The following EMCN variants were observed in gnomAD, a reference collection of about 807,000 sequenced individuals.
EMCN encodes the protein endomucin, also known as MUC-14.
EMCN carries 37 observed loss-of-function variants against 38.4 expected under a neutral mutation model. That is an observed-to-expected ratio of 0.96 (90% confidence interval 0.74 to 1.27). EMCN has a LOEUF of 1.27. EMCN is among the 50% of genes most tolerant of loss of function. The pLI, the probability that EMCN is intolerant of heterozygous loss-of-function variation, is 0.00. For missense variants in EMCN, 318 were observed against 302.8 expected, an observed-to-expected ratio of 1.05 and a Z score of -0.37; for synonymous variants, 95 against 100.8, an observed-to-expected ratio of 0.94 and a Z score of 0.35.
chr4:100,466,962 A>C (rs968011946), intron 3 of EMCN, among the ~76,000 whole-genome samples: 2 of 152,188 alleles, frequency 1.3e-5, no homozygotes, highest in Non-Finnish European at 1.5e-5. Context: ...AGTATCAAGC[A>C]GACTCAACAG....
At chr4:100,497,246 T>TAAA (rs749473979) in intron 1 of EMCN, among the ~76,000 whole-genome samples, 9 of 129,834 alleles carry the variant, frequency 6.9e-5, no homozygotes, top group Admixed American at 2.4e-4. Context: ...TTGTTACTAT[T>TAAA]AAAAAAAAAA....
intron 3 of EMCN, among the ~76,000 whole-genome samples, chr4:100,469,716 C>G (rs1728421631): frequency 6.6e-6 from 1 of 151,910 alleles, no homozygotes; most frequent in African/African-American, 2.4e-5. Flanking sequence ...TTTTTGGCAG[C>G]TTTGTTGAAG....
intron 3 of EMCN, among the ~76,000 whole-genome samples, chr4:100,473,323 G>A (rs1038201368): frequency 7.5e-6 from 1 of 133,020 alleles, no homozygotes; most frequent in Non-Finnish European, 1.6e-5. Context: ...CACTGCACCC[G>A]TCCATGTTAT....
intron 5 of EMCN, among the ~76,000 whole-genome samples, chr4:100,447,092 A>C (rs1452810442): frequency 6.6e-6 from 1 of 152,206 alleles, no homozygotes; most frequent in Non-Finnish European, 1.5e-5. Flanking sequence ...AAGGGTGGCA[A>C]ATACGAGCAC....
chr4:100,440,555 G>A (rs1727483538), intron 5 of EMCN, among the ~76,000 whole-genome samples: 1 of 151,782 alleles, frequency 6.6e-6, no homozygotes, highest in Non-Finnish European at 1.5e-5. Context: ...CCAAATATCT[G>A]CAAAAGACAT....
rs569012867 is a variant in EMCN, at chr4:100,508,797, T to G, written c.64+9054A>C. Among the ~76,000 whole-genome samples, 13 of 152,310 alleles carry G rather than the reference T, an allele frequency of 8.5e-5. No individual in the cohort carries two copies. The South Asian group carries it at 2.7e-3, about 32-fold the overall frequency. On this transcript the variant is annotated intron_variant, in intron 1 of 11. Coordinates refer to ENST00000296420, the MANE Select transcript of EMCN (RefSeq NM_016242.4). ...TGACTTGGCACTTGTGTTCAGATAT[T>G]CATGACACTCTGGTATGATTTGAAC... is the stretch of plus-strand genomic sequence containing the variant.
chr4:100,494,978 C>G (rs1449714893), intron 1 of EMCN, among the ~76,000 whole-genome samples: 1 of 151,604 alleles, frequency 6.6e-6, no homozygotes, highest in African/African-American at 2.4e-5. Flanking sequence ...GGAAGGGGAA[C>G]TACATTTTGG....
intron 3 of EMCN, among the ~76,000 whole-genome samples, chr4:100,467,539 G>A (rs932395614): frequency 8.6e-5 from 13 of 151,824 alleles, no homozygotes; most frequent in African/African-American, 1.7e-4. Context: ...AAAATTAGCC[G>A]GGCGTGGTGG....
intron 5 of EMCN, among the ~76,000 whole-genome samples, chr4:100,436,389 A>T (rs1032195586): frequency 1.3e-5 from 2 of 152,202 alleles, no homozygotes; most frequent in African/African-American, 4.8e-5. Context: ...GCAGAGAAAA[A>T]GGAATGCTTT....
intron 1 of EMCN, among the ~76,000 whole-genome samples, chr4:100,494,461 A>G (rs559165533): frequency 1.3e-5 from 2 of 152,118 alleles, no homozygotes; most frequent in Admixed American, 6.6e-5. Context: ...CAGGAAATTC[A>G]TATTTAAAAA....
chr4:100,468,341 T>C (rs2110266830), intron 3 of EMCN, among the ~76,000 whole-genome samples: 1 of 152,310 alleles, frequency 6.6e-6, no homozygotes. Context: ...TTAAGTTTAT[T>C]GAGGAAAACA....
chr4:100,507,904 ACT>A (rs1408380016), intron 1 of EMCN, among the ~76,000 whole-genome samples: 3 of 152,100 alleles, frequency 2.0e-5, no homozygotes, highest in Admixed American at 6.6e-5. Context: ...ATGAGAAATA[ACT>A]CTCATGACAG....
intron 7 of EMCN, among the ~76,000 whole-genome samples, 191 bp downstream of exon 7, chr4:100,422,830 T>C (rs942599955): frequency 1.4e-5 from 2 of 147,938 alleles, no homozygotes; most frequent in Non-Finnish European, 1.5e-5. Context: ...TTCTTTTTTT[T>C]TTTTTTTGTC....
At chr4:100,510,914 C>T (rs772505880) in intron 1 of EMCN, among the ~76,000 whole-genome samples, 3 of 152,076 alleles carry the variant, frequency 2.0e-5, no homozygotes, top group Non-Finnish European at 4.4e-5. Context: ...TTTCAACAAA[C>T]ATAACAATGA....
At chr4:100,481,241 C>T (rs992833) in intron 1 of EMCN, among the ~76,000 whole-genome samples, 1 of 151,890 alleles carries the variant, frequency 6.6e-6, no homozygotes. Context: ...TATGACTTCT[C>T]AAATTTAAAT....
chr4:100,506,481 G>A (rs76018090), intron 1 of EMCN, among the ~76,000 whole-genome samples: 2,510 of 151,838 alleles, frequency 0.017, 59 homozygotes, highest in African/African-American at 0.057. Context: ...ATATATGTTT[G>A]TAGAAAAAAG....
At chr4:100,447,690 T>C (rs1231731689) in intron 4 of EMCN, 119 bp from the exon 5 acceptor site, 2 of 607,442 alleles carry the variant, frequency 3.3e-6, no homozygotes, top group African/African-American at 3.7e-5. Flanking sequence ...TGATTCACTA[T>C]TTTCAAATCA....
chr4:100,418,869 T>C (rs554615660), intron 8 of EMCN, among the ~76,000 whole-genome samples: 1 of 152,228 alleles, frequency 6.6e-6, no homozygotes, highest in East Asian at 1.9e-4. Flanking sequence ...AGGTATTTCT[T>C]TGATATATTG....
chr4:100,491,279 G>A (rs1301173210), intron 1 of EMCN, among the ~76,000 whole-genome samples: 4 of 152,034 alleles, frequency 2.6e-5, no homozygotes, highest in Non-Finnish European at 5.9e-5. Flanking sequence ...CTACTCTTAC[G>A]CTAGCACTAT....
Sources: allele counts gnomAD v4.1 joint callset (sites outside exome capture counted in the v4.1 genomes callset), GRCh38; gene constraint gnomAD v4.1.1; transcripts MANE v1.5; gene names NCBI Gene and HGNC (gene_info 2026-07-23, HGNC 2026-07-21).